Variants in ABI3BP observed in about 807,000 individuals in gnomAD.
The protein encoded by ABI3BP is ABI family member 3 binding protein.
A neutral mutation model predicts 268.6 loss-of-function variants in ABI3BP; 216 were observed. The ratio of observed to expected loss-of-function variants is 0.80; its 90% CI spans 0.72 to 0.90. ABI3BP has a LOEUF of 0.90. Among genes scored for constraint, ABI3BP ranks in the 40% least tolerant of loss-of-function variants. The pLI is 0.00. For missense variants in ABI3BP, 2,090 were observed against 2,182.4 expected, an observed-to-expected ratio of 0.96 and a Z score of 0.84; for synonymous variants, 730 against 730.0, an observed-to-expected ratio of 1.00 and a Z score of 0.00.
intron 14 of ABI3BP, among the ~76,000 whole-genome samples, chr3:100,854,559 G>C (rs554670619): frequency 6.6e-6 from 1 of 152,324 alleles, no homozygotes; most frequent in Admixed American, 6.5e-5. Flanking sequence ...GTAGCCAAGA[G>C]TTAAGGGTGA....
intron 35 of ABI3BP, 110 bp downstream of exon 35, chr3:100,825,675 G>T (rs1379452182): frequency 7.1e-6 from 6 of 839,240 alleles, no homozygotes; most frequent in Non-Finnish European, 1.2e-5. Flanking sequence ...AGTGATGTTT[G>T]CTATTTTGTA....
chr3:100,960,855 A>G (rs1205895401), intron 1 of ABI3BP, among the ~76,000 whole-genome samples: 2 of 152,182 alleles, frequency 1.3e-5, no homozygotes, highest in African/African-American at 2.4e-5. Flanking sequence ...TGAGCCTGGA[A>G]GTGGATTCTC....
chr3:100,864,044 T>C lies in ABI3BP; in HGVS notation c.1096A>G (p.Thr366Ala). 6.5e-7 allele frequency: 1 copy of C among 1,536,230 alleles called. No homozygotes were observed. Among genetic ancestry groups the C allele is most frequent in the South Asian group, 1.2e-5 (1 of 84,054 alleles). The change falls in exon 12 of 68, where the codon ACT becomes GCT. Residue 366 changes from threonine (T) to alanine (A), a missense_variant. Transcript: ENST00000471714. The part of the protein sequence containing the change: ...LSKRTPETLQ[T>A]ILIPQFELPL... ...AATTCAAACTGAGGTATTAGAATAG[T>C]TTGCAATGTTTCCGGGGTCCTTTTG... is the stretch of plus-strand genomic sequence containing the variant.
intron 6 of ABI3BP, among the ~76,000 whole-genome samples, chr3:100,879,120 C>T (rs375730128): frequency 1.3e-5 from 2 of 152,296 alleles, no homozygotes; most frequent in East Asian, 3.9e-4. Context: ...GCTTACTCCT[C>T]CTGCCTAACT....
In ABI3BP at chr3:100,828,546, T is replaced by C; in HGVS notation, c.2543-94A>G. ...AAAAGAATTTTACGAGGTCATGACA[T>C]ATCTGTCCAGAGCACGAAGCAAACA... is the stretch of plus-strand genomic sequence containing the variant. On this transcript the variant is annotated intron_variant, in intron 33 of 67. Coordinates refer to ENST00000471714, the MANE Select transcript of ABI3BP (RefSeq NM_001375547.2). The C allele has an allele frequency of 3.7e-6, 4 of 1,086,780 alleles. No homozygotes were observed. The African/African-American group carries it at 4.8e-5, about 13-fold the overall frequency. 67.3% of individuals were successfully genotyped at this position (1,086,780 alleles called of 1,614,324 possible). A position where few individuals can be genotyped will look rare whatever the true frequency, so the allele number is the denominator to read the frequency against.
At chr3:100,830,678 C>T in intron 31 of ABI3BP, 44 bp from the exon 32 acceptor site, 1 of 1,462,712 alleles carries the variant, frequency 6.8e-7, no homozygotes, top group Non-Finnish European at 9.2e-7. Context: ...TTTGTGAATG[C>T]ATGAAATGTT....
intron 1 of ABI3BP, among the ~76,000 whole-genome samples, chr3:100,951,905 C>G (rs1239748921): frequency 1.3e-5 from 2 of 151,864 alleles, no homozygotes; most frequent in Non-Finnish European, 2.9e-5. Flanking sequence ...AAGGACAAAC[C>G]ATATGTAGGT....
intron 1 of ABI3BP, among the ~76,000 whole-genome samples, chr3:100,968,797 G>A (rs888592371): frequency 1.3e-5 from 2 of 152,118 alleles, no homozygotes; most frequent in African/African-American, 2.4e-5. Flanking sequence ...CCATCAACCC[G>A]TCATCTGCAT....
chr3:100,825,705 A>T, intron 35 of ABI3BP, 80 bp downstream of exon 35: 1 of 1,087,166 alleles, frequency 9.2e-7, no homozygotes, highest in Non-Finnish European at 1.4e-6. Flanking sequence ...ATGCCATGTT[A>T]TAGGGATGAA....
In ABI3BP at chr3:100,835,462, A is replaced by G. The variant is rs1183543156; in HGVS notation, c.2191+139T>C. On this transcript the variant is annotated intron_variant, in intron 28 of 67. Coordinates refer to ENST00000471714, the MANE Select transcript of ABI3BP (RefSeq NM_001375547.2). ...TGTTTTAAGCACTTTCAATACATTC[A>G]AAATGAAGAATATAGTTCAATGACA... is the stretch of plus-strand genomic sequence containing the variant. 4.4e-6 allele frequency: 3 copies of G among 677,536 alleles called. No homozygotes were observed. In the East Asian group the frequency reaches 8.7e-5, roughly 20 times the overall value. 42.0% of individuals were successfully genotyped at this position (677,536 alleles called of 1,614,324 possible). A position where few individuals can be genotyped will look rare whatever the true frequency, so the allele number is the denominator to read the frequency against.
chr3:100,841,220 T>TTTTTTTTTTTTTTTTTTTTTTTG (rs1560681726), intron 21 of ABI3BP, among the ~76,000 whole-genome samples: 1 of 119,548 alleles, frequency 8.4e-6, no homozygotes, highest in African/African-American at 3.2e-5. Context: ...TTTTTTTTTT[T>TTTTTTTTTTTTTTTTTTTTTTTG]TTTTTTTGCT....
chr3:100,890,789 T>C (rs1365265822), intron 4 of ABI3BP, among the ~76,000 whole-genome samples: 1 of 152,176 alleles, frequency 6.6e-6, no homozygotes, highest in Admixed American at 6.5e-5. Flanking sequence ...TTTCCAAATC[T>C]GTTTCTCTTG....
At chr3:100,844,385 A>G (rs774732560) in intron 20 of ABI3BP, 6 of 985,296 alleles carry the variant, frequency 6.1e-6, no homozygotes, top group Non-Finnish European at 6.0e-6. Flanking sequence ...GGTTTTTGAG[A>G]AATGCGCTGA....
Position 100,811,813 on chromosome 3 carries a change from G to T in ABI3BP, c.3422-14C>A. ...TTTTGGCTGGTGCTAGGGAAGAAACGGGAATGGCTGGTTAGTGGTGGCCAA... is the reference window on the plus strand; with the variant it reads ...TTTTGGCTGGTGCTAGGGAAGAAACTGGAATGGCTGGTTAGTGGTGGCCAA... On this transcript the variant is annotated splice_polypyrimidine_tract_variant and intron_variant, in intron 46 of 67. Transcript: ENST00000471714. 6.5e-7 allele frequency: 1 copy of T among 1,534,452 alleles called. No homozygotes were observed. The highest frequency in any genetic ancestry group is 8.7e-7 in the Non-Finnish European group (1 of 1,145,610).
chr3:100,774,615 T>C lies in ABI3BP; in HGVS notation c.4521A>G (p.Pro1507=), dbSNP rs1034245770. Residue 1507 remains proline, a synonymous_variant, in exon 61 of 68, where the codon CCA becomes CCG. Transcript: ENST00000471714. ...PTRETDPLGK[P]RFKGPHVRYI... Reference sequence around the variant, plus strand: ...GCCAGTCATACATACCTTTGAATCTTGGCTTCCCAAGAGGATCAGTTTCTC... The same window carrying C: ...GCCAGTCATACATACCTTTGAATCTCGGCTTCCCAAGAGGATCAGTTTCTC... 1 of 1,582,518 alleles carries C rather than the reference T, an allele frequency of 6.3e-7. No homozygotes were observed. The highest frequency in any genetic ancestry group is 1.3e-5 in the African/African-American group (1 of 74,352).
chr3:100,930,123 G>GT, intron 1 of ABI3BP, among the ~76,000 whole-genome samples: 1 of 152,096 alleles, frequency 6.6e-6, no homozygotes, highest in South Asian at 2.1e-4. Context: ...CCTCTGGTGA[G>GT]TGCCTTAAGG....
Position 100,864,125 on chromosome 3 carries a change from T to A in ABI3BP, c.1064-49A>T, listed in dbSNP as rs1194206925. The A allele has an allele frequency of 4.8e-6, 6 of 1,258,412 alleles. No individual in the cohort carries two copies. In the African/African-American group the frequency reaches 8.9e-5, roughly 19 times the overall value. 78.0% of individuals were successfully genotyped at this position (1,258,412 alleles called of 1,614,324 possible). On this transcript the variant is annotated intron_variant, in intron 11 of 67. Transcript: ENST00000471714. ...AGCAACTCCTGGACTTGGGTTTTGA[T>A]GTTGTGGCTTAACCATGATCATGCA... is the stretch of plus-strand genomic sequence containing the variant.
chr3:100,905,254 C>T (rs1007815869), intron 2 of ABI3BP, among the ~76,000 whole-genome samples: 1 of 152,028 alleles, frequency 6.6e-6, no homozygotes, highest in Non-Finnish European at 1.5e-5. Context: ...CACACCGGGG[C>T]CTGTTGTTGG....
At chr3:100,864,738 G>C (rs1261061286) in intron 11 of ABI3BP, 95 bp downstream of exon 11, 1 of 856,026 alleles carries the variant, frequency 1.2e-6, no homozygotes, top group African/African-American at 1.7e-5. Context: ...GAGGGAGAGA[G>C]AAGTTAAGGC....
Sources: allele counts gnomAD v4.1 joint callset (sites outside exome capture counted in the v4.1 genomes callset), GRCh38; gene constraint gnomAD v4.1.1; transcripts MANE v1.5; gene names NCBI Gene and HGNC (gene_info 2026-07-23, HGNC 2026-07-21).